The following PARD3B variants were observed in gnomAD, a reference collection of about 807,000 sequenced individuals.
PARD3B encodes the protein partitioning defective 3 homolog B.
Under a neutral mutation model 130.2 loss-of-function variants are expected in PARD3B, and 103 were observed. That is an observed-to-expected ratio of 0.79 (90% CI 0.67 to 0.93). The LOEUF is 0.93. PARD3B is among the 40% of genes least tolerant of loss of function. PARD3B has a pLI of 0.00. For synonymous variants in PARD3B, 583 were observed against 553.2 expected (o/e 1.05, Z -0.76); for missense variants, 1,609 against 1,499.2 (o/e 1.07, Z -1.21).
In PARD3B at chr2:204,997,628, C is replaced by G. The variant is rs568410349; in HGVS notation, c.394+32305C>G. 2.4e-4 allele frequency among the ~76,000 whole-genome samples: 36 copies of G among 151,944 alleles called. No individual in the cohort carries two copies. In the South Asian group the frequency reaches 7.5e-3, roughly 32 times the overall value. On this transcript the variant is annotated intron_variant, in intron 3 of 22. Transcript: ENST00000406610. ...GGACACTAATAATTTAACTGAGTCT[C>G]TTTTAGGGGTTTTACACAATTATGT...
In PARD3B at chr2:205,003,507, A is replaced by G. The variant is rs75454101; in HGVS notation, c.394+38184A>G. Among the ~76,000 whole-genome samples the G allele has an allele frequency of 6.5e-3, 986 of 152,270 alleles. 36 individuals carry two copies. The East Asian group carries it at 0.092, about 14-fold the overall frequency. On this transcript the variant is annotated intron_variant, in intron 3 of 22. Coordinates refer to ENST00000406610, the MANE Select transcript of PARD3B (RefSeq NM_001302769.2). ...GATGGTGTCACCACCTCAGAGACCC[A>G]TGGAGCTAATTATCTCGTGACCTTT...
intron 11 of PARD3B, among the ~76,000 whole-genome samples, chr2:205,169,218 C>G (rs763708841): frequency 1.1e-4 from 16 of 152,146 alleles, no homozygotes; most frequent in Admixed American, 6.5e-4. Context: ...CCAAGCCTGA[C>G]AGTGAGAGTG....
chr2:204,647,117 A>G (rs2125162469), intron 1 of PARD3B, among the ~76,000 whole-genome samples: 1 of 152,058 alleles, frequency 6.6e-6, no homozygotes, highest in South Asian at 2.1e-4. Context: ...GTTGGAGATC[A>G]TCTGTATTAG....
rs2034346380 is a variant in PARD3B, at chr2:205,158,913, T to C, written c.1620+6T>C. 2.5e-6 allele frequency: 4 copies of C among 1,613,186 alleles called. No individual in the cohort carries two copies. The highest frequency in any genetic ancestry group is 3.4e-6 in the Non-Finnish European group (4 of 1,179,822). ...ATGGAGGCGCTGCTTTTAAGGTGGGTAGGAATGACATTTGTACATCCTTTG... is the reference window on the plus strand; with the variant it reads ...ATGGAGGCGCTGCTTTTAAGGTGGGCAGGAATGACATTTGTACATCCTTTG... On this transcript the variant is annotated splice_donor_region_variant and intron_variant, in intron 11 of 22. Transcript: ENST00000406610. The surrounding 1 kb of genome is among the most constrained non-coding windows in gnomAD (Gnocchi z 5.4).
intron 2 of PARD3B, among the ~76,000 whole-genome samples, chr2:204,843,464 A>T (rs1439827049): frequency 6.6e-6 from 1 of 151,458 alleles, no homozygotes; most frequent in Non-Finnish European, 1.5e-5. Context: ...ATCTTGGTTG[A>T]CTGCAACCTC....
intron 21 of PARD3B, among the ~76,000 whole-genome samples, chr2:205,501,305 C>G (rs1411213336): frequency 6.6e-6 from 1 of 152,054 alleles, no homozygotes; most frequent in African/African-American, 2.4e-5. Context: ...GAGAGGCAGC[C>G]TGAGACTATG....
intron 13 of PARD3B, among the ~76,000 whole-genome samples, chr2:205,182,307 A>T (rs1353254166): frequency 6.6e-6 from 1 of 152,204 alleles, no homozygotes; most frequent in East Asian, 1.9e-4. Flanking sequence ...AAGAAAAAAA[A>T]AAAAGTAACA....
chr2:204,719,166 G>A (rs1048054134), intron 2 of PARD3B, among the ~76,000 whole-genome samples: 1 of 152,094 alleles, frequency 6.6e-6, no homozygotes, highest in African/African-American at 2.4e-5. Flanking sequence ...GTTAAAGACG[G>A]GGCTTCTAAC....
At chr2:204,965,118 A>G (rs776738284) in intron 2 of PARD3B, 34 bp from the exon 3 acceptor site, 2 of 1,603,764 alleles carry the variant, frequency 1.2e-6, no homozygotes, top group African/African-American at 1.3e-5. Context: ...TGCATGTCCT[A>G]CAAAGTAATT....
At chr2:204,810,678 A>G (rs1180484497) in intron 2 of PARD3B, among the ~76,000 whole-genome samples, 1 of 152,106 alleles carries the variant, frequency 6.6e-6, no homozygotes, top group Non-Finnish European at 1.5e-5. Flanking sequence ...TTGGTGGATT[A>G]GCTTTTTGAT....
Position 204,922,640 on chromosome 2 carries a change from G to A in PARD3B, c.223-42512G>A, listed in dbSNP as rs1035767189. The stretch of plus-strand genomic sequence containing the variant: ...TGGTAAGGGAAGTAGGAAGACCATT[G>A]GGATTGTAGCTTAAAGGAAACGTGA... On this transcript the variant is annotated intron_variant, in intron 2 of 22. Transcript: ENST00000406610. Among the ~76,000 whole-genome samples, 17 of 151,884 alleles carry A rather than the reference G, an allele frequency of 1.1e-4. No homozygotes were observed. The East Asian group carries it at 2.3e-3, about 21-fold the overall frequency.
chr2:205,173,737 A>G (rs1028229757), intron 12 of PARD3B, among the ~76,000 whole-genome samples: 1 of 152,220 alleles, frequency 6.6e-6, no homozygotes, highest in Non-Finnish European at 1.5e-5. Flanking sequence ...TGCTTAAGTG[A>G]CAGTGTTCCA....
At chr2:205,159,158 T>C (rs918476465) in intron 11 of PARD3B, among the ~76,000 whole-genome samples, 1 of 152,234 alleles carries the variant, frequency 6.6e-6, no homozygotes, top group Non-Finnish European at 1.5e-5. Context: ...TTTGCATACT[T>C]TTTATTACTG....
chr2:204,994,981 C>T (rs1028613541), intron 3 of PARD3B, among the ~76,000 whole-genome samples: 14 of 150,866 alleles, frequency 9.3e-5, no homozygotes, highest in South Asian at 6.3e-4. Flanking sequence ...TGTCTCTGCA[C>T]GTGAGATGGG....
chr2:204,688,616 T>G (rs897954025), intron 2 of PARD3B, among the ~76,000 whole-genome samples: 5 of 151,884 alleles, frequency 3.3e-5, no homozygotes, highest in African/African-American at 1.2e-4. Flanking sequence ...AAAGAATTTC[T>G]TATTTTTCTG....
intron 3 of PARD3B, among the ~76,000 whole-genome samples, chr2:205,026,030 A>G (rs1462522115): frequency 6.6e-6 from 1 of 152,220 alleles, no homozygotes; most frequent in Non-Finnish European, 1.5e-5. Context: ...CAACTGGGAA[A>G]AGATAGATAG....
At chr2:205,136,468 C>G (rs970073546) in intron 10 of PARD3B, among the ~76,000 whole-genome samples, 1 of 152,224 alleles carries the variant, frequency 6.6e-6, no homozygotes. Context: ...AGCAAAGCTG[C>G]CTATGCTATG....
intron 22 of PARD3B, among the ~76,000 whole-genome samples, chr2:205,578,355 A>T (rs1203914918): frequency 6.6e-6 from 1 of 152,206 alleles, no homozygotes; most frequent in African/African-American, 2.4e-5. Flanking sequence ...ATGACCATGC[A>T]CATTTAAAGA....
At chr2:204,735,958 A>G (rs538406960) in intron 2 of PARD3B, among the ~76,000 whole-genome samples, 1 of 152,312 alleles carries the variant, frequency 6.6e-6, no homozygotes, top group South Asian at 2.1e-4. Flanking sequence ...AAATGTTATG[A>G]CAAAAAGCTG....
Sources: gnomAD v4.1 joint callset for allele counts (sites outside exome capture counted in the v4.1 genomes callset) on GRCh38, gnomAD v4.1.1 for gene constraint, Gnocchi (gnomAD v3.1) non-coding constraint, MANE v1.5 for transcripts, NCBI Gene and HGNC (gene_info 2026-07-23, HGNC 2026-07-21) for gene names.